MITF: variants seen among roughly 807,000 people sequenced by gnomAD.
MITF encodes the protein melanocyte inducing transcription factor, also known as microphthalmia-associated transcription factor.
In MITF, 17 loss-of-function variants were observed where a neutral mutation model predicts 60.5. That is an observed-to-expected ratio of 0.28 (90% CI 0.19 to 0.42). The LOEUF (loss-of-function observed/expected upper bound fraction) is 0.42, where lower values mean the gene tolerates loss of function less well. Among genes scored for constraint, MITF ranks in the 10% least tolerant of loss-of-function variants. MITF has a pLI of 1.00. For missense variants in MITF, 622 were observed against 683.5 expected (o/e 0.91, Z 1.00); for synonymous variants, 260 against 248.5 (o/e 1.05, Z -0.43).
intron 9 of MITF, among the ~76,000 whole-genome samples, chr3:69,961,703 C>G (rs565791800): frequency 2.3e-4 from 35 of 152,134 alleles, no homozygotes; most frequent in Non-Finnish European, 4.3e-4. Context: ...CCAGCCTAGG[C>G]TATAGAGCAA....
chr3:69,890,316 G>GC (rs1334210264), intron 2 of MITF, among the ~76,000 whole-genome samples: 1 of 152,108 alleles, frequency 6.6e-6, no homozygotes, highest in Non-Finnish European at 1.5e-5. Flanking sequence ...CATGGTGACA[G>GC]CCCTCAACTT....
At chr3:69,879,797 A>T (rs146264547) in intron 2 of MITF, among the ~76,000 whole-genome samples, 2,291 of 152,324 alleles carry the variant, frequency 0.015, 13 homozygotes, top group Non-Finnish European at 0.023. Flanking sequence ...TGGTTGTAAA[A>T]TCTGACTGTT....
intron 1 of MITF, among the ~76,000 whole-genome samples, chr3:69,823,837 A>G (rs977316116): frequency 4.6e-5 from 7 of 152,176 alleles, no homozygotes; most frequent in African/African-American, 1.7e-4. Context: ...TCCTAAGCAT[A>G]CTGAGTGGTA....
chr3:69,899,742 G>A lies in MITF; in HGVS notation c.354+20359G>A, dbSNP rs138684200. 1.6e-3 allele frequency among the ~76,000 whole-genome samples: 245 copies of A among 152,264 alleles called. 6 individuals carry two copies. The highest frequency in any genetic ancestry group is 0.015 in the Admixed American group (231 of 15,292). On this transcript the variant is annotated intron_variant, in intron 2 of 9. Transcript: ENST00000352241. ...TTTTTCCAAGTCTCCAAGAAGACTTGGAGAATGTCTTCTAAGGACTGCATA... is the reference window on the plus strand; with the variant it reads ...TTTTTCCAAGTCTCCAAGAAGACTTAGAGAATGTCTTCTAAGGACTGCATA...
Position 69,936,661 on chromosome 3 carries a change from G to T in MITF, c.355-1161G>T, listed in dbSNP as rs1434828278. On this transcript the variant is annotated intron_variant, in intron 2 of 9. Coordinates refer to ENST00000352241, the MANE Select transcript of MITF (RefSeq NM_001354604.2). ...AGTCCATCTTCAAATTGGAATTATA[G>T]AAAGTAGAGGGAGGGATAGTCTACC... is the stretch of plus-strand genomic sequence containing the variant. The T allele has an allele frequency of 2.5e-6, 4 of 1,608,800 alleles. No individual in the cohort carries two copies. The South Asian group carries it at 4.4e-5, about 18-fold the overall frequency.
intron 2 of MITF, among the ~76,000 whole-genome samples, chr3:69,936,289 G>A (rs908160807): frequency 2.0e-5 from 3 of 152,148 alleles, no homozygotes; most frequent in Non-Finnish European, 2.9e-5. Flanking sequence ...GGGGCATTCT[G>A]CTATTAACCT....
chr3:69,960,080 T>C (rs1382589688), intron 9 of MITF, among the ~76,000 whole-genome samples: 3 of 152,296 alleles, frequency 2.0e-5, no homozygotes, highest in Middle Eastern at 6.8e-3. Flanking sequence ...AGTGCTTCAG[T>C]GTTCACCAAT....
At chr3:69,851,347 G>C (rs775840475) in intron 1 of MITF, among the ~76,000 whole-genome samples, 7 of 151,770 alleles carry the variant, frequency 4.6e-5, no homozygotes, top group Non-Finnish European at 8.8e-5. Flanking sequence ...TCTTTTTTTG[G>C]TATATCTTAA....
chr3:69,787,957 A>G (rs2062677098), intron 1 of MITF, among the ~76,000 whole-genome samples: 1 of 152,094 alleles, frequency 6.6e-6, no homozygotes, highest in African/African-American at 2.4e-5. Context: ...TGTTCTGTTT[A>G]TTCATCACAG....
At chr3:69,789,379 G>T (rs113927462) in intron 1 of MITF, among the ~76,000 whole-genome samples, 1 of 152,076 alleles carries the variant, frequency 6.6e-6, no homozygotes, top group East Asian at 1.9e-4. Flanking sequence ...CAACAAGCAC[G>T]TGAAAAAGTG....
chr3:69,933,932 T>G (rs1446037197), intron 2 of MITF, among the ~76,000 whole-genome samples: 1 of 152,196 alleles, frequency 6.6e-6, no homozygotes, highest in Non-Finnish European at 1.5e-5. Flanking sequence ...AAAATTATAT[T>G]TATATGGCTT....
chr3:69,966,587 A>G lies in MITF; in HGVS notation c.*1339A>G, dbSNP rs948997074. On this transcript the variant is annotated 3_prime_UTR_variant, in exon 10 of 10. Coordinates refer to ENST00000352241, the MANE Select transcript of MITF (RefSeq NM_001354604.2). ...TTGAATTTATTTTTAAGAAAGAAAT[A>G]CTGTATTGGGAAGTTACTGTTACTT... 1 of 233,098 alleles carries G rather than the reference A, an allele frequency of 4.3e-6. No individual in the cohort carries two copies. Among genetic ancestry groups the G allele is most frequent in the African/African-American group, 2.2e-5 (1 of 45,340 alleles). 14.4% of individuals were successfully genotyped at this position (233,098 alleles called of 1,614,324 possible). A position where few individuals can be genotyped will look rare whatever the true frequency, so the allele number is the denominator to read the frequency against.
At chr3:69,777,666 A>C (rs1319049365) in intron 1 of MITF, among the ~76,000 whole-genome samples, 1 of 152,162 alleles carries the variant, frequency 6.6e-6, no homozygotes, top group East Asian at 1.9e-4. Flanking sequence ...GGAAGTGCTG[A>C]TGAAATTCCT....
At chr3:69,860,597 CAA>C (rs1039213953) in intron 1 of MITF, among the ~76,000 whole-genome samples, 24 of 60,770 alleles carry the variant, frequency 3.9e-4, no homozygotes, top group African/African-American at 8.9e-4. Flanking sequence ...GACTCCGTCT[CAA>C]AAAAAAAAAA....
intron 2 of MITF, among the ~76,000 whole-genome samples, chr3:69,905,354 C>T (rs11128149): frequency 0.015 from 2,338 of 152,038 alleles, 27 homozygotes; most frequent in Middle Eastern, 0.051. Flanking sequence ...TTTATATAGG[C>T]AGACCACAGT....
At chr3:69,959,560 T>C in intron 9 of MITF, 140 bp downstream of exon 9, 1 of 1,157,784 alleles carries the variant, frequency 8.6e-7, no homozygotes, top group Non-Finnish European at 1.3e-6. Flanking sequence ...ATTCTGTGTG[T>C]GTGAATTTGC....
At chr3:69,891,873 C>T (rs2064767506) in intron 2 of MITF, among the ~76,000 whole-genome samples, 1 of 152,100 alleles carries the variant, frequency 6.6e-6, no homozygotes, top group Non-Finnish European at 1.5e-5. Context: ...ACATGTGGTA[C>T]ATTCTATTAT....
At chr3:69,790,484 A>T (rs577445446) in intron 1 of MITF, among the ~76,000 whole-genome samples, 2 of 152,280 alleles carry the variant, frequency 1.3e-5, no homozygotes, top group South Asian at 2.1e-4. Flanking sequence ...TTTATGTAAC[A>T]TGTTTGTTTA....
intron 1 of MITF, among the ~76,000 whole-genome samples, chr3:69,844,566 G>T (rs1357560313): frequency 6.6e-6 from 1 of 152,162 alleles, no homozygotes; most frequent in East Asian, 1.9e-4. Flanking sequence ...CATGGGCAAA[G>T]ACTTCATGGC....
Sources: allele counts gnomAD v4.1 joint callset (sites outside exome capture counted in the v4.1 genomes callset), GRCh38; gene constraint gnomAD v4.1.1; transcripts MANE v1.5; gene names NCBI Gene and HGNC (gene_info 2026-07-23, HGNC 2026-07-21).